Variants in VTCN1 observed in about 807,000 individuals in gnomAD.
VTCN1 encodes the protein V-set domain containing T cell activation inhibitor 1.
VTCN1 carries 26 observed loss-of-function variants against 26.5 expected under a neutral mutation model. The ratio of observed to expected loss-of-function variants is 0.98; its 90% CI spans 0.72 to 1.36. The LOEUF (loss-of-function observed/expected upper bound fraction) is 1.36. Ranked by LOEUF, VTCN1 falls within the 40% of genes most tolerant of loss-of-function variation. The pLI is 0.00. For synonymous variants in VTCN1, 116 were observed against 130.7 expected (o/e 0.89, Z 0.77); for missense variants, 298 against 337.7 (o/e 0.88, Z 0.92).
chr1:117,187,309 CAAAAA>C (rs11415949), intron 1 of VTCN1, among the ~76,000 whole-genome samples: 961 of 73,234 alleles, frequency 0.013, 15 homozygotes, highest in African/African-American at 0.047. Context: ...GACCTTGTCT[CAAAAA>C]AAAAAAAAAA....
Position 117,156,877 on chromosome 1 carries a change from T to C in VTCN1, c.142A>G (p.Ile48Val), listed in dbSNP as rs767270200. The C allele has an allele frequency of 6.1e-5, 99 of 1,613,896 alleles. No individual in the cohort carries two copies. The highest frequency in any genetic ancestry group is 8.3e-5 in the Admixed American group (5 of 59,974). The part of the protein sequence containing the change: ...TVTTVASAGN[I>V]GEDGILSCTF... The stretch of plus-strand genomic sequence containing the variant: ...CAGCTCAGGATTCCATCCTCCCCAA[T>C]GTTCCCAGCTGAGGCGACAGTAGTG... The change falls in exon 3 of 6, where the codon ATT (isoleucine) becomes GTT (valine). Residue 48 changes from isoleucine to valine, a missense_variant. Ile to Val is a conservative substitution (Grantham distance 29). Transcript: ENST00000369458.
intron 1 of VTCN1, among the ~76,000 whole-genome samples, chr1:117,174,575 CG>C (rs1256624823): frequency 6.6e-6 from 1 of 151,992 alleles, no homozygotes; most frequent in Non-Finnish European, 1.5e-5. Flanking sequence ...AAGACCAGCC[CG>C]GCCAACATGG....
chr1:117,189,034 A>T (rs1648105311), intron 1 of VTCN1, among the ~76,000 whole-genome samples: 1 of 152,224 alleles, frequency 6.6e-6, no homozygotes. Context: ...ACAAAATATC[A>T]GCCTGGCGGA....
chr1:117,196,405 G>T (rs10923220), intron 1 of VTCN1, among the ~76,000 whole-genome samples: 27,846 of 138,150 alleles, frequency 0.2, 2,792 homozygotes, highest in East Asian at 0.46. Context: ...TATATATATA[G>T]AGAGAGAGAG....
At chr1:117,171,952 C>T (rs143886480) in intron 1 of VTCN1, among the ~76,000 whole-genome samples, 89 of 152,238 alleles carry the variant, frequency 5.8e-4, no homozygotes, top group African/African-American at 2.0e-3. Context: ...GAGGGGTCAC[C>T]TGCTTTAGCT....
intron 1 of VTCN1, among the ~76,000 whole-genome samples, chr1:117,205,907 T>A (rs1452190860): frequency 6.6e-6 from 1 of 151,956 alleles, no homozygotes; most frequent in Non-Finnish European, 1.5e-5. Context: ...GCCCCTGAGG[T>A]TGTTGTTCTT....
At chr1:117,164,809 G>T (rs1362961350) in intron 2 of VTCN1, among the ~76,000 whole-genome samples, 1 of 152,212 alleles carries the variant, frequency 6.6e-6, no homozygotes, top group Admixed American at 6.5e-5. Context: ...TTTCCATCAC[G>T]TCTCCTTCCT....
intron 1 of VTCN1, among the ~76,000 whole-genome samples, chr1:117,184,613 G>A (rs2101564208): frequency 6.6e-6 from 1 of 152,218 alleles, no homozygotes; most frequent in South Asian, 2.1e-4. Context: ...GCATATTTCT[G>A]AGCTTCAGGG....
At chr1:117,198,025 A>AC (rs575437328) in intron 1 of VTCN1, among the ~76,000 whole-genome samples, 167 of 152,304 alleles carry the variant, frequency 1.1e-3, no homozygotes, top group Middle Eastern at 6.8e-3. Context: ...CACTCTGGGC[A>AC]CTGCCTTCTA....
chr1:117,179,569 T>A (rs1180097018), intron 1 of VTCN1, among the ~76,000 whole-genome samples: 1 of 152,198 alleles, frequency 6.6e-6, no homozygotes, highest in Non-Finnish European at 1.5e-5. Context: ...GAGACTGGCC[T>A]GCAAATGCAT....
rs997504552 is a variant in VTCN1 at position 117,151,448 on chromosome 1, A to G, written c.724+1643T>C. Among the ~76,000 whole-genome samples the G allele has an allele frequency of 3.2e-4, 48 of 152,312 alleles. No homozygotes were observed. The Middle Eastern group carries it at 0.01, about 32-fold the overall frequency. The stretch of plus-strand genomic sequence containing the variant: ...AACAGCAAAACACCAAACCCTGCAC[A>G]TCACAGACAGCAGCCCTACCGGGTT... On this transcript the variant is annotated intron_variant, in intron 4 of 5. Coordinates refer to ENST00000369458, the MANE Select transcript of VTCN1 (RefSeq NM_024626.4).
chr1:117,203,558 G>T, intron 1 of VTCN1: 1 of 955,956 alleles, frequency 1.0e-6, no homozygotes, highest in Non-Finnish European at 1.2e-6. Flanking sequence ...AGCATTGCAG[G>T]CAGATGGTTT....
chr1:117,199,328 C>CT (rs904895623), intron 1 of VTCN1, among the ~76,000 whole-genome samples: 43 of 151,886 alleles, frequency 2.8e-4, no homozygotes, highest in African/African-American at 1.0e-3. Flanking sequence ...TACCATTTTT[C>CT]TTTTTCTTTC....
In VTCN1 at chr1:117,167,110, T is replaced by C. The variant is rs1652660271; in HGVS notation, c.97+2997A>G. Reference sequence around the variant, plus strand: ...TGTCTCAAAAAAAAAAAAAAGAATATATATGTATGTAAACATAAAATGTAT... The same window carrying C: ...TGTCTCAAAAAAAAAAAAAAGAATACATATGTATGTAAACATAAAATGTAT... On this transcript the variant is annotated intron_variant, in intron 2 of 5. Coordinates refer to ENST00000369458, the MANE Select transcript of VTCN1 (RefSeq NM_024626.4). The surrounding 1 kb of genome is among the most constrained non-coding windows in gnomAD (Gnocchi z 4.1). Among the ~76,000 whole-genome samples the C allele has an allele frequency of 6.6e-6, 1 of 151,368 alleles. No homozygotes were observed.
intron 1 of VTCN1, among the ~76,000 whole-genome samples, chr1:117,201,229 T>G (rs1648771387): frequency 6.6e-6 from 1 of 152,214 alleles, no homozygotes; most frequent in East Asian, 1.9e-4. Flanking sequence ...AATGTCTTCC[T>G]GGGCTTGCTT....
Position 117,153,284 on chromosome 1 carries a change from G to A in VTCN1, c.531C>T (p.Pro177=), listed in dbSNP as rs745735754. ...CAACTTGGGATGCCCAGACCACTGT[G>A]GGCTGGGGGAACCATCGGGGAGCCT... ...RCEAPRWFPQ[P]TVVWASQVDQ... is the part of the protein sequence containing the mutation. The change falls in exon 4 of 6, where the codon CCC becomes CCT. Residue 177 remains proline, a synonymous_variant. Coordinates refer to ENST00000369458, the MANE Select transcript of VTCN1 (RefSeq NM_024626.4). The A allele has an allele frequency of 6.2e-7, 1 of 1,614,080 alleles. No homozygotes were observed. The highest frequency in any genetic ancestry group is 2.2e-5 in the East Asian group (1 of 44,872).
intron 4 of VTCN1, among the ~76,000 whole-genome samples, chr1:117,151,579 T>C (rs749240293): frequency 1.4e-5 from 2 of 139,548 alleles, no homozygotes; most frequent in African/African-American, 6.8e-5. Context: ...TTTTACAGAG[T>C]GCTGATTGGT....
chr1:117,209,839 A>C (rs1168957340), intron 1 of VTCN1, among the ~76,000 whole-genome samples: 1 of 152,222 alleles, frequency 6.6e-6, no homozygotes, highest in Non-Finnish European at 1.5e-5. Flanking sequence ...AAGGAAAAGA[A>C]CTTTCTAGGC....
intron 4 of VTCN1, among the ~76,000 whole-genome samples, chr1:117,148,968 A>C (rs1651655366): frequency 6.6e-6 from 1 of 152,168 alleles, no homozygotes; most frequent in African/African-American, 2.4e-5. Context: ...TAGCAAAAAC[A>C]AAAAGAAAAA....
Sources: allele counts gnomAD v4.1 joint callset (sites outside exome capture counted in the v4.1 genomes callset), GRCh38; gene constraint gnomAD v4.1.1; non-coding constraint Gnocchi (gnomAD v3.1); transcripts MANE v1.5; gene names NCBI Gene and HGNC (gene_info 2026-07-23, HGNC 2026-07-21).